COL23A1: variants seen among roughly 807,000 people sequenced by gnomAD.
The protein encoded by COL23A1 is collagen type XXIII alpha 1 chain, also known as collagen alpha-1(XXIII) chain.
A neutral mutation model predicts 99.3 loss-of-function variants in COL23A1; 97 were observed. The ratio of observed to expected loss-of-function variants is 0.98; its 90% CI spans 0.83 to 1.16. The LOEUF (loss-of-function observed/expected upper bound fraction) is 1.16, where lower values mean the gene tolerates loss of function less well. Among genes scored for constraint, COL23A1 ranks in the 50% most tolerant of loss-of-function variants. The pLI, the probability that COL23A1 is intolerant of heterozygous loss-of-function variation, is 0.00. For missense variants in COL23A1, 762 were observed against 757.4 expected (o/e 1.01, Z -0.07); for synonymous variants, 320 against 308.2 (o/e 1.04, Z -0.40).
At chr5:178,419,733 T>C (rs1044607135) in intron 2 of COL23A1, among the ~76,000 whole-genome samples, 1 of 152,220 alleles carries the variant, frequency 6.6e-6, no homozygotes, top group Non-Finnish European at 1.5e-5. Context: ...CCTAGCTTAA[T>C]AGGCAGGCAA....
At chr5:178,498,281 TAAA>T (rs1275145640) in intron 2 of COL23A1, among the ~76,000 whole-genome samples, 1 of 104,422 alleles carries the variant, frequency 9.6e-6, no homozygotes, top group African/African-American at 3.3e-5. Context: ...AATAAAAAAA[TAAA>T]AATAAAAAAT....
At chr5:178,513,290 T>TC (rs773803546) in intron 2 of COL23A1, among the ~76,000 whole-genome samples, 1 of 151,802 alleles carries the variant, frequency 6.6e-6, no homozygotes, top group Non-Finnish European at 1.5e-5. Flanking sequence ...CTCACTTACA[T>TC]CCCCCCTGCA....
intron 2 of COL23A1, among the ~76,000 whole-genome samples, chr5:178,464,052 G>A (rs898215435): frequency 4.6e-5 from 7 of 152,148 alleles, no homozygotes; most frequent in African/African-American, 1.7e-4. Flanking sequence ...TTTTACTGCC[G>A]TAACATACAC....
intron 2 of COL23A1, among the ~76,000 whole-genome samples, chr5:178,377,167 T>C (rs1763115559): frequency 6.6e-6 from 1 of 152,126 alleles, no homozygotes; most frequent in Non-Finnish European, 1.5e-5. Context: ...GGGCAGCGGG[T>C]AGGAACCAGC....
intron 2 of COL23A1, among the ~76,000 whole-genome samples, chr5:178,548,047 CCACACA>C (rs1761802815): frequency 4.6e-5 from 1 of 21,694 alleles, no homozygotes; most frequent in Non-Finnish European, 1.1e-4. Flanking sequence ...ACCCCCACAC[CCACACA>C]CACATACCCC....
chr5:178,559,598 G>C (rs28488699), intron 2 of COL23A1, among the ~76,000 whole-genome samples: 17,375 of 63,424 alleles, frequency 0.27, 3,255 homozygotes, highest in African/African-American at 0.45. Flanking sequence ...TTTCCCTGCA[G>C]GTCGAGAAGT....
chr5:178,291,420 A>C (rs1027754991), intron 3 of COL23A1, among the ~76,000 whole-genome samples: 6 of 152,226 alleles, frequency 3.9e-5, no homozygotes, highest in Non-Finnish European at 8.8e-5. Context: ...TGCATAGCAC[A>C]AGGGCCCTGA....
At chr5:178,238,827 C>A in intron 28 of COL23A1, 127 bp from the exon 29 acceptor site, 1 of 1,278,950 alleles carries the variant, frequency 7.8e-7, no homozygotes. Flanking sequence ...CACTCCCTCT[C>A]AGTGGGCCAG....
intron 8 of COL23A1, chr5:178,265,812 C>T: frequency 1.8e-6 from 1 of 559,048 alleles, no homozygotes; most frequent in Non-Finnish European, 2.3e-6. Context: ...GAGGCAAAGC[C>T]ACTTAACCAA....
chr5:178,537,936 C>T (rs1181609207), intron 2 of COL23A1, among the ~76,000 whole-genome samples: 1 of 152,230 alleles, frequency 6.6e-6, no homozygotes, highest in Admixed American at 6.5e-5. Context: ...TGGCTAGCCC[C>T]TGGCACTCAC....
chr5:178,481,848 G>A (rs1757356841), intron 2 of COL23A1, among the ~76,000 whole-genome samples: 1 of 129,700 alleles, frequency 7.7e-6, no homozygotes, highest in Admixed American at 8.6e-5. Flanking sequence ...ACAGGATGGG[G>A]AACATCACAC....
At chr5:178,347,292 G>A (rs1761027468) in intron 2 of COL23A1, among the ~76,000 whole-genome samples, 1 of 152,144 alleles carries the variant, frequency 6.6e-6, no homozygotes, top group African/African-American at 2.4e-5. Flanking sequence ...AGCCACGAAT[G>A]AACCTTGAAC....
chr5:178,248,589 C>T (rs914739432), intron 19 of COL23A1, among the ~76,000 whole-genome samples: 3 of 152,100 alleles, frequency 2.0e-5, no homozygotes, highest in African/African-American at 7.2e-5. Context: ...CCAGTGGTGG[C>T]GTAACAGCTG....
intron 2 of COL23A1, among the ~76,000 whole-genome samples, chr5:178,518,055 G>A (rs1581548726): frequency 1.5e-5 from 2 of 129,812 alleles, no homozygotes; most frequent in African/African-American, 6.7e-5. Flanking sequence ...CTTCCGCAGT[G>A]TTTGTGTCCC....
intron 28 of COL23A1, 73 bp downstream of exon 28, chr5:178,239,068 T>C: frequency 6.5e-7 from 1 of 1,537,574 alleles, no homozygotes; most frequent in South Asian, 1.1e-5. Flanking sequence ...GCACCCAGGC[T>C]CTGGGGCCCT....
intron 2 of COL23A1, among the ~76,000 whole-genome samples, chr5:178,393,358 G>C (rs1052777918): frequency 4.6e-5 from 7 of 152,202 alleles, no homozygotes; most frequent in Non-Finnish European, 1.0e-4. Flanking sequence ...GAAGTAAATG[G>C]TGGGTGCCAG....
At chr5:178,519,904 G>C (rs1181283608) in intron 2 of COL23A1, among the ~76,000 whole-genome samples, 1 of 152,172 alleles carries the variant, frequency 6.6e-6, no homozygotes, top group African/African-American at 2.4e-5. Context: ...TGGGTAGATG[G>C]ATGGATGAAT....
At chr5:178,516,925 T>C (rs777423210) in intron 2 of COL23A1, among the ~76,000 whole-genome samples, 10 of 152,194 alleles carry the variant, frequency 6.6e-5, no homozygotes, top group South Asian at 2.1e-4. Flanking sequence ...GGGAGCGGGC[T>C]TCCTGCGCAG....
intron 5 of COL23A1, among the ~76,000 whole-genome samples, chr5:178,282,616 C>G (rs560269298): frequency 6.6e-6 from 1 of 152,326 alleles, no homozygotes; most frequent in African/African-American, 2.4e-5. Flanking sequence ...TCAGCTAAGT[C>G]CTGTCACCCT....
Sources: gnomAD v4.1 joint callset for allele counts (sites outside exome capture counted in the v4.1 genomes callset) on GRCh38, gnomAD v4.1.1 for gene constraint, MANE v1.5 for transcripts, NCBI Gene and HGNC (gene_info 2026-07-23, HGNC 2026-07-21) for gene names.